HCN1: variants seen among roughly 807,000 people sequenced by gnomAD.
HCN1 encodes hyperpolarization activated cyclic nucleotide gated potassium channel 1, also known as potassium/sodium hyperpolarization-activated cyclic nucleotide-gated channel 1.
A neutral mutation model predicts 78.9 loss-of-function variants in HCN1; 13 were observed. The observed-to-expected ratio is 0.16, with a 90% CI of 0.11 to 0.26. The LOEUF is 0.26. HCN1 is among the 10% of genes least tolerant of loss of function. The pLI is 1.00. For missense variants in HCN1, 810 were observed against 1,154.3 expected (o/e 0.70, Z 4.32); for synonymous variants, 552 against 455.5 (o/e 1.21, Z -2.70).
chr5:45,635,100 T>C (rs1182354288), intron 2 of HCN1, among the ~76,000 whole-genome samples: 2 of 152,030 alleles, frequency 1.3e-5, no homozygotes, highest in Non-Finnish European at 2.9e-5. Context: ...AAGAAAAAAA[T>C]TTCATTCTTT....
At chr5:45,643,962 A>G (rs1456201195) in intron 2 of HCN1, 1 of 152,138 alleles carries the variant, frequency 6.6e-6, no homozygotes, top group African/African-American at 2.4e-5. Context: ...GCTTCATTTG[A>G]TTTTAAATAT....
rs771334137 is a variant in HCN1 at position 45,645,191 on chromosome 5, C to T, written c.843G>A (p.Trp281Ter). ...AGAAAAAGATGCATCTTACCTCTTC[C>T]CATTGATGTATGTATCTAATTAACC... ...LSRLIRYIHQWEEIFHMTYDL... is the reference protein window; with the variant it reads ...LSRLIRYIHQ Residue 281 changes from tryptophan (W) to a stop codon, truncating the protein, a stop_gained, in exon 2 of 8, where the codon TGG (tryptophan) becomes TGA (stop). Coordinates refer to ENST00000303230, the MANE Select transcript of HCN1 (RefSeq NM_021072.4). LOFTEE classifies it high-confidence loss of function. 6.2e-7 allele frequency: 1 copy of T among 1,609,082 alleles called. No individual in the cohort carries two copies. The highest frequency in any genetic ancestry group is 8.5e-7 in the Non-Finnish European group (1 of 1,176,264).
chr5:45,288,693 A>G (rs1443245400), intron 6 of HCN1, among the ~76,000 whole-genome samples: 1 of 152,086 alleles, frequency 6.6e-6, no homozygotes, highest in Non-Finnish European at 1.5e-5. Context: ...ATCAGGCATT[A>G]AATCGTGCTT....
In HCN1 at chr5:45,302,617, C is replaced by CAT. The variant is rs113576198; in HGVS notation, c.1618+980_1618+981dup. 2.7e-3 allele frequency among the ~76,000 whole-genome samples: 413 copies of CAT among 150,702 alleles called. 2 individuals carry two copies. Among genetic ancestry groups the CAT allele is most frequent in the African/African-American group, 5.4e-3 (221 of 41,190 alleles). On this transcript the variant is annotated intron_variant, in intron 6 of 7. Coordinates refer to ENST00000303230, the MANE Select transcript of HCN1 (RefSeq NM_021072.4). ...GGCATTTTTTGTACATGTGTAGAAACATATATATATATTTTATATATATAA... is the reference window on the plus strand; with the variant it reads ...GGCATTTTTTGTACATGTGTAGAAACATATATATATATATTTTATATATATAA...
At chr5:45,498,767 G>T (rs902355621) in intron 2 of HCN1, among the ~76,000 whole-genome samples, 3 of 152,042 alleles carry the variant, frequency 2.0e-5, no homozygotes, top group African/African-American at 7.2e-5. Flanking sequence ...TTTTGGTGTG[G>T]ATGTCCTTTG....
chr5:45,320,188 T>C (rs1002266772), intron 5 of HCN1, among the ~76,000 whole-genome samples: 1 of 151,842 alleles, frequency 6.6e-6, no homozygotes, highest in African/African-American at 2.4e-5. Context: ...AAGACATCCC[T>C]ACCTGGAGAT....
intron 3 of HCN1, among the ~76,000 whole-genome samples, chr5:45,431,076 C>A (rs533628741): frequency 2.0e-5 from 3 of 152,262 alleles, no homozygotes; most frequent in South Asian, 4.1e-4. Flanking sequence ...TAAGCATTCT[C>A]TTTTCTCTGT....
intron 2 of HCN1, among the ~76,000 whole-genome samples, chr5:45,564,264 CTT>C (rs546784601): frequency 2.1e-5 from 3 of 141,958 alleles, no homozygotes; most frequent in Non-Finnish European, 3.1e-5. Context: ...CTTTAGGAAG[CTT>C]TTTTTTTTTT....
At chr5:45,462,400 T>C (rs1741180344) in intron 2 of HCN1, among the ~76,000 whole-genome samples, 2 of 152,232 alleles carry the variant, frequency 1.3e-5, no homozygotes, top group South Asian at 2.1e-4. Context: ...TATTAATAGA[T>C]TTGTTGAAAG....
intron 2 of HCN1, among the ~76,000 whole-genome samples, chr5:45,538,681 T>C (rs1235671784): frequency 6.6e-6 from 1 of 152,114 alleles, no homozygotes; most frequent in Non-Finnish European, 1.5e-5. Flanking sequence ...ACCCAAATTG[T>C]ATAAAGAGGT....
chr5:45,570,000 C>A (rs146706874), intron 2 of HCN1, among the ~76,000 whole-genome samples: 2 of 151,982 alleles, frequency 1.3e-5, no homozygotes, highest in African/African-American at 2.4e-5. Context: ...CTAAAAGCTA[C>A]CAAATGACTG....
At chr5:45,269,902 A>G (rs1307856460) in intron 6 of HCN1, among the ~76,000 whole-genome samples, 1 of 152,148 alleles carries the variant, frequency 6.6e-6, no homozygotes, top group Non-Finnish European at 1.5e-5. Flanking sequence ...CTTTGTACGT[A>G]TATTCCATGT....
chr5:45,362,124 T>C (rs966771249), intron 4 of HCN1, among the ~76,000 whole-genome samples: 1 of 151,860 alleles, frequency 6.6e-6, no homozygotes, highest in Non-Finnish European at 1.5e-5. Flanking sequence ...CTTTAAACTT[T>C]ATTACTATAG....
intron 2 of HCN1, among the ~76,000 whole-genome samples, chr5:45,513,371 A>G (rs1353073945): frequency 6.6e-6 from 1 of 152,186 alleles, no homozygotes; most frequent in Non-Finnish European, 1.5e-5. Context: ...AAGGTATGAA[A>G]GAAATATGTA....
intron 2 of HCN1, among the ~76,000 whole-genome samples, chr5:45,464,880 A>T (rs1024234329): frequency 6.6e-6 from 1 of 152,134 alleles, no homozygotes; most frequent in Non-Finnish European, 1.5e-5. Flanking sequence ...GTAGATAGTC[A>T]GGTTAACCAA....
At chr5:45,393,329 A>G (rs1330612022) in intron 4 of HCN1, among the ~76,000 whole-genome samples, 6 of 152,142 alleles carry the variant, frequency 3.9e-5, no homozygotes, top group Non-Finnish European at 2.9e-5. Flanking sequence ...GATTGGAGAC[A>G]GCGACATAAC....
chr5:45,626,408 T>C (rs1433224178), intron 2 of HCN1, among the ~76,000 whole-genome samples: 1 of 152,128 alleles, frequency 6.6e-6, no homozygotes, highest in Admixed American at 6.5e-5. Flanking sequence ...GCAGGTAATA[T>C]CTAAGCACTG....
intron 2 of HCN1, among the ~76,000 whole-genome samples, chr5:45,611,919 G>A (rs1744845501): frequency 6.6e-6 from 1 of 151,868 alleles, no homozygotes; most frequent in African/African-American, 2.4e-5. Flanking sequence ...TCTTTGGGAA[G>A]CTGAAAAAAA....
chr5:45,639,959 C>T (rs1334500727), intron 2 of HCN1, among the ~76,000 whole-genome samples: 2 of 152,142 alleles, frequency 1.3e-5, no homozygotes, highest in African/African-American at 2.4e-5. Context: ...GCATCTACTG[C>T]ACTAGGCTGC....
Sources: allele counts gnomAD v4.1 joint callset (sites outside exome capture counted in the v4.1 genomes callset), GRCh38; gene constraint gnomAD v4.1.1; transcripts MANE v1.5; gene names NCBI Gene and HGNC (gene_info 2026-07-23, HGNC 2026-07-21).